Variants in LMBR1 observed in about 807,000 individuals in gnomAD.
The protein encoded by LMBR1 is limb region 1 protein homolog.
Under a neutral mutation model 73.9 loss-of-function variants are expected in LMBR1, and 52 were observed. That is an observed-to-expected ratio of 0.70 (90% CI 0.56 to 0.89). The LOEUF is 0.89. Ranked by LOEUF, LMBR1 falls within the 40% of genes least tolerant of loss-of-function variation. The pLI is 0.00. For missense variants in LMBR1, 539 were observed against 579.8 expected (o/e 0.93, Z 0.72); for synonymous variants, 215 against 209.4 (o/e 1.03, Z -0.23).
chr7:156,774,603 G>T (rs1165007038), intron 5 of LMBR1, among the ~76,000 whole-genome samples: 2 of 152,136 alleles, frequency 1.3e-5, no homozygotes, highest in African/African-American at 4.8e-5. Context: ...AGGCTGAGGT[G>T]GGCAGATCAT....
intron 15 of LMBR1, among the ~76,000 whole-genome samples, chr7:156,706,859 A>C (rs1403284738): frequency 6.6e-6 from 1 of 151,940 alleles, no homozygotes; most frequent in Non-Finnish European, 1.5e-5. Flanking sequence ...TCAGTAGAAG[A>C]AAAGAAATAA....
chr7:156,870,491 C>T (rs1457387429), intron 1 of LMBR1, among the ~76,000 whole-genome samples: 4 of 152,140 alleles, frequency 2.6e-5, no homozygotes, highest in Admixed American at 6.5e-5. Flanking sequence ...AGATGCCGGG[C>T]GCAGTGGCTC....
At chr7:156,802,086 G>A (rs1472702718) in intron 4 of LMBR1, among the ~76,000 whole-genome samples, 2 of 151,976 alleles carry the variant, frequency 1.3e-5, no homozygotes, top group Non-Finnish European at 1.5e-5. Context: ...GGGTTCAAGC[G>A]ATTCTCCTGC....
intron 3 of LMBR1, among the ~76,000 whole-genome samples, chr7:156,827,273 C>T (rs1563466872): frequency 6.6e-6 from 1 of 152,010 alleles, no homozygotes; most frequent in South Asian, 2.1e-4. Flanking sequence ...TAATAAAAAA[C>T]AGAAAACTAT....
chr7:156,823,109 CT>C (rs1835071196), intron 4 of LMBR1: 1 of 151,118 alleles, frequency 6.6e-6, no homozygotes, highest in African/African-American at 2.4e-5. Context: ...AACACTTCAT[CT>C]CAAAAAAATT....
intron 1 of LMBR1, among the ~76,000 whole-genome samples, chr7:156,855,362 C>A (rs750396589): frequency 1.3e-5 from 2 of 152,116 alleles, no homozygotes; most frequent in Non-Finnish European, 2.9e-5. Flanking sequence ...AATCACAAGA[C>A]TACACAATGT....
intron 4 of LMBR1, among the ~76,000 whole-genome samples, chr7:156,807,637 T>G (rs1482021622): frequency 7.9e-5 from 12 of 152,202 alleles, no homozygotes; most frequent in Non-Finnish European, 1.8e-4. Context: ...GTTTTCTATT[T>G]CATTGATTTC....
At chr7:156,878,954 G>A (rs1292801682) in intron 1 of LMBR1, among the ~76,000 whole-genome samples, 2 of 152,088 alleles carry the variant, frequency 1.3e-5, no homozygotes, top group Admixed American at 6.6e-5. Context: ...GTGGGGAAAC[G>A]ACACCAACAA....
chr7:156,727,860 T>A (rs1328595979), intron 12 of LMBR1, 70 bp downstream of exon 12: 6 of 1,045,302 alleles, frequency 5.7e-6, no homozygotes, highest in Non-Finnish European at 8.7e-6. Flanking sequence ...ATTTGCTTAC[T>A]TGAAATACTC....
At chr7:156,818,607 A>G (rs1314708028) in intron 4 of LMBR1, among the ~76,000 whole-genome samples, 1 of 152,244 alleles carries the variant, frequency 6.6e-6, no homozygotes, top group Non-Finnish European at 1.5e-5. Flanking sequence ...GCGATTTTAA[A>G]GTGAACAATT....
intron 15 of LMBR1, among the ~76,000 whole-genome samples, chr7:156,692,614 G>A (rs538917610): frequency 1.3e-5 from 2 of 152,152 alleles, no homozygotes; most frequent in Non-Finnish European, 2.9e-5. Flanking sequence ...AAACAAGGTG[G>A]GCCCTATGAT....
At chr7:156,828,262 T>C (rs1176501463) in intron 3 of LMBR1, among the ~76,000 whole-genome samples, 1 of 152,210 alleles carries the variant, frequency 6.6e-6, no homozygotes, top group Non-Finnish European at 1.5e-5. Context: ...TCAGGGTTCC[T>C]TCTTGCCCCT....
chr7:156,860,601 A>G (rs1797592149), intron 1 of LMBR1, among the ~76,000 whole-genome samples: 1 of 152,194 alleles, frequency 6.6e-6, no homozygotes, highest in African/African-American at 2.4e-5. Flanking sequence ...CATTAACTCA[A>G]AAGTCCATGG....
chr7:156,792,440 A>G (rs898513873), intron 5 of LMBR1, among the ~76,000 whole-genome samples: 3 of 152,154 alleles, frequency 2.0e-5, no homozygotes, highest in Non-Finnish European at 2.9e-5. Context: ...TTAACTGCTA[A>G]TAATAAGTCT....
intron 4 of LMBR1, among the ~76,000 whole-genome samples, chr7:156,814,727 A>C (rs1833635529): frequency 6.6e-6 from 1 of 152,220 alleles, no homozygotes; most frequent in Non-Finnish European, 1.5e-5. Context: ...GAGGGACTGC[A>C]ACTCTGTCAC....
intron 5 of LMBR1, among the ~76,000 whole-genome samples, chr7:156,790,241 A>G (rs1828962952): frequency 6.6e-6 from 1 of 152,114 alleles, no homozygotes; most frequent in African/African-American, 2.4e-5. Flanking sequence ...ATGTTTCATC[A>G]TCAGCTTTAA....
chr7:156,719,253 T>C (rs1487888474), intron 15 of LMBR1, among the ~76,000 whole-genome samples: 15 of 151,708 alleles, frequency 9.9e-5, no homozygotes, highest in Admixed American at 6.6e-4. Context: ...GTCCCTGCGA[T>C]AGTTTACTGA....
intron 5 of LMBR1, among the ~76,000 whole-genome samples, chr7:156,786,723 T>C (rs1185581842): frequency 2.0e-5 from 3 of 152,296 alleles, no homozygotes; most frequent in African/African-American, 7.2e-5. Context: ...ATAATGTTTG[T>C]TATCAAGTCC....
At chr7:156,676,292 C>A, downstream of LMBR1, 1 of 1,591,424 alleles carries the variant, frequency 6.3e-7, no homozygotes. Flanking sequence ...GATTTTAACA[C>A]AGAATGAAAC....
Sources: allele counts gnomAD v4.1 joint callset (sites outside exome capture counted in the v4.1 genomes callset), GRCh38; gene constraint gnomAD v4.1.1; transcripts MANE v1.5; gene names NCBI Gene and HGNC (gene_info 2026-07-23, HGNC 2026-07-21).